VSX2: variants seen among roughly 807,000 people sequenced by gnomAD.
The protein encoded by VSX2 is ceh-10 homeo domain containing homolog.
In VSX2, 28 loss-of-function variants were observed where a neutral mutation model predicts 32.1. The observed-to-expected ratio is 0.87, with a 90% CI of 0.65 to 1.20. The LOEUF (loss-of-function observed/expected upper bound fraction) is 1.20, where lower values mean the gene tolerates loss of function less well. Ranked by LOEUF, VSX2 falls within the 50% of genes most tolerant of loss-of-function variation. VSX2 has a pLI of 0.00. For missense variants in VSX2, 506 were observed against 488.7 expected (o/e 1.04, Z -0.33); for synonymous variants, 243 against 214.1 (o/e 1.14, Z -1.18).
intron 3 of VSX2, among the ~76,000 whole-genome samples, chr14:74,246,026 G>C (rs2079189984): frequency 6.6e-6 from 1 of 152,242 alleles, no homozygotes; most frequent in South Asian, 2.1e-4. Context: ...GGCAAGTCCA[G>C]AGTCCCCTAC....
intron 1 of VSX2, among the ~76,000 whole-genome samples, chr14:74,240,645 T>C (rs552535917): frequency 3.8e-4 from 58 of 152,322 alleles, no homozygotes; most frequent in African/African-American, 1.4e-3. Context: ...CGTTGCGTTT[T>C]ACTTTGTTTT....
chr14:74,246,708 G>T (rs1187551430), intron 3 of VSX2, among the ~76,000 whole-genome samples: 1 of 152,202 alleles, frequency 6.6e-6, no homozygotes, highest in Non-Finnish European at 1.5e-5. Context: ...GGTGGCTGCG[G>T]CAGGGAGGAG....
At chr14:74,241,896 G>A (rs1456219799) in intron 2 of VSX2, among the ~76,000 whole-genome samples, 1 of 151,906 alleles carries the variant, frequency 6.6e-6, no homozygotes, top group Non-Finnish European at 1.5e-5. Flanking sequence ...CCCACCAGCC[G>A]TAGCTGGAGT....
At chr14:74,241,645 C>T (rs547780477) in intron 2 of VSX2, among the ~76,000 whole-genome samples, 1 of 152,360 alleles carries the variant, frequency 6.6e-6, no homozygotes, top group African/African-American at 2.4e-5. Flanking sequence ...CTGCCAGAGC[C>T]GGTTCTTTGC....
chr14:74,258,703 C>T (rs2079284056), intron 3 of VSX2, among the ~76,000 whole-genome samples: 1 of 152,126 alleles, frequency 6.6e-6, no homozygotes, highest in African/African-American at 2.4e-5. Context: ...AGAAATGTTC[C>T]CTCCTCAAAC....
Position 74,260,930 on chromosome 14 carries a change from G to T in VSX2, c.*11G>T. Reference sequence around the variant, plus strand: ...GAGGACATGGCTTAGGTCAAGGCGCGCTCAGATGCCGGAGCCCCAAGACTC... The same window carrying T: ...GAGGACATGGCTTAGGTCAAGGCGCTCTCAGATGCCGGAGCCCCAAGACTC... On this transcript the variant is annotated 3_prime_UTR_variant, in exon 5 of 5. Transcript: ENST00000261980. The T allele has an allele frequency of 6.4e-7, 1 of 1,552,150 alleles. No homozygotes were observed. The highest frequency in any genetic ancestry group is 1.2e-5 in the South Asian group (1 of 84,092).
At chr14:74,256,669 CTTT>C (rs34012116) in intron 3 of VSX2, among the ~76,000 whole-genome samples, 2,133 of 93,098 alleles carry the variant, frequency 0.023, 59 homozygotes, top group African/African-American at 0.085. Flanking sequence ...GGGAGTCATA[CTTT>C]TTTTTTTTTT....
rs186608156 is a variant in VSX2 at position 74,253,848 on chromosome 14, C to A, written c.580-5754C>A. On this transcript the variant is annotated intron_variant, in intron 3 of 4. Transcript: ENST00000261980. The stretch of plus-strand genomic sequence containing the variant: ...AGGAGGCTGAGGCAGGAGAATCGCT[C>A]GAATCTGGGAGGTAGAGGTTGCGGT... Among the ~76,000 whole-genome samples the A allele has an allele frequency of 7.4e-4, 113 of 151,774 alleles. 1 individual carries two copies. Among genetic ancestry groups the A allele is most frequent in the African/African-American group, 2.6e-3 (108 of 41,390 alleles).
chr14:74,239,558 G>A lies in VSX2; in HGVS notation c.-4G>A. ...CGGCCTCAGCCCCTCCAAAGAACAGGGAGATGACGGGGAAAGCAGGGGAAG... is the reference window on the plus strand; with the variant it reads ...CGGCCTCAGCCCCTCCAAAGAACAGAGAGATGACGGGGAAAGCAGGGGAAG... On this transcript the variant is annotated 5_prime_UTR_variant, in exon 1 of 5. Transcript: ENST00000261980. 1 of 1,551,146 alleles carries A rather than the reference G, an allele frequency of 6.4e-7. No individual in the cohort carries two copies. Among genetic ancestry groups the A allele is most frequent in the Non-Finnish European group, 8.7e-7 (1 of 1,146,984 alleles).
At chr14:74,241,606 C>T (rs888941512) in intron 2 of VSX2, among the ~76,000 whole-genome samples, 5 of 152,224 alleles carry the variant, frequency 3.3e-5, no homozygotes, top group African/African-American at 1.2e-4. Flanking sequence ...CCACACAGAC[C>T]CGGCGGCGGG....
At chr14:74,246,558 C>G (rs956424500) in intron 3 of VSX2, among the ~76,000 whole-genome samples, 1 of 152,218 alleles carries the variant, frequency 6.6e-6, no homozygotes, top group African/African-American at 2.4e-5. Context: ...ACCCTCCACC[C>G]AATTGGGTTC....
intron 3 of VSX2, among the ~76,000 whole-genome samples, chr14:74,252,631 C>T (rs1176174498): frequency 1.3e-5 from 2 of 151,828 alleles, no homozygotes; most frequent in Non-Finnish European, 2.9e-5. Context: ...CCTTGTGATC[C>T]ACCCGACTCG....
Position 74,259,794 on chromosome 14 carries a change from C to T in VSX2, c.760+12C>T, listed in dbSNP as rs376798137. Reference sequence around the variant, plus strand: ...CCCGTGGCTACTGGGTAAGAGCCCGCACCCTCCTTGGGGTCCTGCCCTGCG... The same window carrying T: ...CCCGTGGCTACTGGGTAAGAGCCCGTACCCTCCTTGGGGTCCTGCCCTGCG... On this transcript the variant is annotated intron_variant, in intron 4 of 4. Coordinates refer to ENST00000261980, the MANE Select transcript of VSX2 (RefSeq NM_182894.3). 1.1e-5 allele frequency: 17 copies of T among 1,524,494 alleles called. No homozygotes were observed. Among genetic ancestry groups the T allele is most frequent in the East Asian group, 9.6e-5 (4 of 41,884 alleles). The allele number at this position is 1,524,494 out of a possible 1,614,324, so 94.4% of individuals were successfully genotyped here. A position where few individuals can be genotyped will look rare whatever the true frequency, so the allele number is the denominator to read the frequency against.
chr14:74,254,285 C>T (rs2079248235), intron 3 of VSX2, among the ~76,000 whole-genome samples: 1 of 152,120 alleles, frequency 6.6e-6, no homozygotes. Flanking sequence ...CTGCCAGGTG[C>T]CTGTAATCCC....
rs750768011 is a variant in VSX2 at position 74,245,272 on chromosome 14, C to G, written c.563C>G (p.Pro188Arg). ...ATGCTGGCCATGAAAACGGAGCTGC[C>G]GGAAGACAGGATACAGGTAACAGCC... ...REMLAMKTEL[P>R]EDRIQVWFQN... Residue 188 changes from proline to arginine, a missense_variant, in exon 3 of 5, where the codon CCG (proline) becomes CGG (arginine). Coordinates refer to ENST00000261980, the MANE Select transcript of VSX2 (RefSeq NM_182894.3). The G allele has an allele frequency of 6.2e-7, 1 of 1,613,302 alleles. No homozygotes were observed. The highest frequency in any genetic ancestry group is 1.7e-5 in the Admixed American group (1 of 59,924).
In VSX2 at chr14:74,248,489, C is replaced by T. The variant is rs151204732; in HGVS notation, c.579+3201C>T. On this transcript the variant is annotated intron_variant, in intron 3 of 4. Transcript: ENST00000261980. The stretch of plus-strand genomic sequence containing the variant: ...ATTCCTTGAGTCCAGGAGTTTGAGC[C>T]CAGCCTGGACAACATAGTGAAATCC... Among the ~76,000 whole-genome samples the T allele has an allele frequency of 1.8e-3, 273 of 151,868 alleles. 1 individual carries two copies. The highest frequency in any genetic ancestry group is 6.0e-3 in the African/African-American group (250 of 41,402).
At position 74,260,844 on chromosome 14, in the gene VSX2, AGAG is replaced by A. The variant is rs144220788; in HGVS notation, c.1022_1024del (p.Glu341del). 2.6e-6 allele frequency: 4 copies of A among 1,567,080 alleles called. No homozygotes were observed. Among genetic ancestry groups the A allele is most frequent in the East Asian group, 2.4e-5 (1 of 42,086 alleles). ...GCCTGGCCCGGAGTACCGAGAAGCCAGAGGAGGAGGAGGCCATGGATGAAGACA... is the reference window on the plus strand; with the variant it reads ...GCCTGGCCCGGAGTACCGAGAAGCCAGAGGAGGAGGCCATGGATGAAGACA... On this transcript the variant is annotated inframe_deletion, in exon 5 of 5. Transcript: ENST00000261980.
Position 74,260,753 on chromosome 14 carries a change from C to A in VSX2, c.920C>A (p.Ala307Glu). 1 of 1,589,480 alleles carries A rather than the reference C, an allele frequency of 6.3e-7. No homozygotes were observed. The highest frequency in any genetic ancestry group is 8.6e-7 in the Non-Finnish European group (1 of 1,168,172). ...GAGGAACTGAGGGAGAACAGCATTGCGGTGCTCCGGGCCAAAGCTCAGGAG... is the reference window on the plus strand; with the variant it reads ...GAGGAACTGAGGGAGAACAGCATTGAGGTGCTCCGGGCCAAAGCTCAGGAG... ...SQEELRENSI[A>E]VLRAKAQEHS... is the part of the protein sequence containing the mutation. Residue 307 changes from alanine to glutamate, a missense_variant, in exon 5 of 5, where the codon GCG becomes GAG. By Grantham distance (107) the Ala-to-Glu change is moderately radical (BLOSUM62 -1). Coordinates refer to ENST00000261980, the MANE Select transcript of VSX2 (RefSeq NM_182894.3).
At chr14:74,244,732 C>T in intron 2 of VSX2, among the ~76,000 whole-genome samples, 1 of 151,818 alleles carries the variant, frequency 6.6e-6, no homozygotes, top group South Asian at 2.1e-4. Context: ...GCCTTTCCCC[C>T]AGAGCACCTC....
Sources: allele counts gnomAD v4.1 joint callset (sites outside exome capture counted in the v4.1 genomes callset), GRCh38; gene constraint gnomAD v4.1.1; transcripts MANE v1.5; gene names NCBI Gene and HGNC (gene_info 2026-07-23, HGNC 2026-07-21).